Variants in CLASP2 observed in about 807,000 individuals in gnomAD.
CLASP2 encodes the protein CLIP-associating protein 2.
A neutral mutation model predicts 194.4 loss-of-function variants in CLASP2; 47 were observed. The observed-to-expected ratio is 0.24, with a 90% CI of 0.19 to 0.31. CLASP2 has a LOEUF of 0.31. Among genes scored for constraint, CLASP2 ranks in the 10% least tolerant of loss-of-function variants. The pLI, the probability that CLASP2 is intolerant of heterozygous loss-of-function variation, is 1.00. For missense variants in CLASP2, 1,445 were observed against 1,823.6 expected (o/e 0.79, Z 3.78); for synonymous variants, 619 against 633.5 (o/e 0.98, Z 0.34).
chr3:33,572,911 A>ATTTTTTTTTTTTTTTTTTT (rs80341372), intron 25 of CLASP2, among the ~76,000 whole-genome samples, 199 bp downstream of exon 25: 1 of 139,538 alleles, frequency 7.2e-6, no homozygotes, highest in Non-Finnish European at 1.6e-5. Context: ...AGAACAAATA[A>ATTTTTTTTTTTTTTTTTTT]TTTTTTTTTT....
At chr3:33,678,711 G>A (rs561416282) in intron 6 of CLASP2, among the ~76,000 whole-genome samples, 2 of 152,106 alleles carry the variant, frequency 1.3e-5, no homozygotes, top group African/African-American at 2.4e-5. Flanking sequence ...TAAATCTAAC[G>A]AAATAAGTGT....
At chr3:33,677,772 T>A (rs1218228038) in intron 6 of CLASP2, among the ~76,000 whole-genome samples, 2 of 143,712 alleles carry the variant, frequency 1.4e-5, no homozygotes, top group Non-Finnish European at 1.5e-5. Context: ...AAAAAAAAAA[T>A]TATTCCTATT....
chr3:33,705,149 T>A (rs1271498522), intron 1 of CLASP2, among the ~76,000 whole-genome samples: 1 of 152,214 alleles, frequency 6.6e-6, no homozygotes, highest in African/African-American at 2.4e-5. Context: ...ACAGCCCACA[T>A]GTCCACCAAC....
At chr3:33,537,020 T>C (rs924180395) in intron 33 of CLASP2, among the ~76,000 whole-genome samples, 1 of 152,196 alleles carries the variant, frequency 6.6e-6, no homozygotes, top group African/African-American at 2.4e-5. Context: ...GGATTTATTA[T>C]ACTTACAACA....
chr3:33,557,786 A>C (rs760299062), intron 29 of CLASP2, among the ~76,000 whole-genome samples: 4 of 152,198 alleles, frequency 2.6e-5, no homozygotes, highest in Non-Finnish European at 5.9e-5. Context: ...TCTTTCCCCA[A>C]GCAGCTCTAA....
chr3:33,503,049 T>C (rs2047187304), intron 37 of CLASP2: 1 of 152,308 alleles, frequency 6.6e-6, no homozygotes, highest in South Asian at 2.1e-4. Flanking sequence ...GAGTATGGCA[T>C]TCAATGTTTA....
intron 8 of CLASP2, among the ~76,000 whole-genome samples, chr3:33,640,051 A>T (rs1320668498): frequency 6.6e-6 from 1 of 152,144 alleles, no homozygotes; most frequent in Admixed American, 6.5e-5. Context: ...TAAGGTGAAA[A>T]TCTTCTGAGT....
chr3:33,614,569 C>T (rs150589371), intron 12 of CLASP2, among the ~76,000 whole-genome samples: 1 of 152,184 alleles, frequency 6.6e-6, no homozygotes, highest in African/African-American at 2.4e-5. Context: ...GACTGTCTTA[C>T]AAAACTTCCT....
intron 13 of CLASP2, among the ~76,000 whole-genome samples, chr3:33,608,854 G>A (rs564721504): frequency 4.0e-5 from 6 of 148,218 alleles, no homozygotes; most frequent in Non-Finnish European, 7.4e-5. Context: ...CCGGGTTCAA[G>A]TGATTCTCTT....
At chr3:33,605,803 G>T (rs1219743882) in intron 16 of CLASP2, among the ~76,000 whole-genome samples, 3 of 152,062 alleles carry the variant, frequency 2.0e-5, no homozygotes, top group Non-Finnish European at 4.4e-5. Context: ...TAGAGATGGG[G>T]TTTCACCATG....
intron 1 of CLASP2, among the ~76,000 whole-genome samples, chr3:33,716,101 A>T (rs761193071): frequency 3.3e-5 from 5 of 152,154 alleles, no homozygotes; most frequent in Admixed American, 1.3e-4. Context: ...AATGAGGAAA[A>T]CAGGCAATTT....
chr3:33,690,478 C>T (rs1175485136), intron 2 of CLASP2, among the ~76,000 whole-genome samples: 1 of 152,142 alleles, frequency 6.6e-6, no homozygotes, highest in Non-Finnish European at 1.5e-5. Flanking sequence ...AGAGTAAGCA[C>T]TTTCTATAAT....
chr3:33,657,225 C>T (rs2084407618), intron 7 of CLASP2, among the ~76,000 whole-genome samples: 3 of 151,940 alleles, frequency 2.0e-5, no homozygotes, highest in South Asian at 4.1e-4. Context: ...TGTATGTGCA[C>T]TGGATGTGAC....
chr3:33,543,861 T>C (rs918503821), intron 31 of CLASP2, among the ~76,000 whole-genome samples: 7 of 152,206 alleles, frequency 4.6e-5, no homozygotes, highest in Non-Finnish European at 1.0e-4. Flanking sequence ...CCATTACTAA[T>C]GCTCAAATTT....
intron 8 of CLASP2, among the ~76,000 whole-genome samples, chr3:33,638,196 G>A (rs2080538886): frequency 6.6e-6 from 1 of 152,130 alleles, no homozygotes; most frequent in South Asian, 2.1e-4. Context: ...CTTAACATTA[G>A]TTACACCTCA....
At chr3:33,610,597 TA>T (rs36115245) in intron 13 of CLASP2, among the ~76,000 whole-genome samples, 40,354 of 152,108 alleles carry the variant, frequency 0.27, 5,754 homozygotes, top group Admixed American at 0.41. Context: ...ACGGGTTGGT[TA>T]AAACTGTTCT....
intron 8 of CLASP2, chr3:33,644,481 C>T (rs2081938660): frequency 2.9e-6 from 1 of 350,118 alleles, no homozygotes; most frequent in Non-Finnish European, 5.4e-6. Flanking sequence ...ACAAAAAAAC[C>T]CCAAAAAACT....
Position 33,677,081 on chromosome 3 carries a change from T to C in CLASP2, c.644+7278A>G, listed in dbSNP as rs536697114. Among the ~76,000 whole-genome samples the C allele has an allele frequency of 2.0e-3, 298 of 151,762 alleles. 1 individual carries two copies. Among genetic ancestry groups the C allele is most frequent in the Middle Eastern group, 3.4e-3 (1 of 292 alleles). ...AGGTGCTGGAGAGGATGTGGAGAAA[T>C]AGGAACACTTTTACACTGTTGGTGG... On this transcript the variant is annotated intron_variant, in intron 6 of 38. Coordinates refer to ENST00000682230, the MANE Select transcript of CLASP2 (RefSeq NM_001365631.1).
At chr3:33,519,786 C>T (rs1030087937) in intron 34 of CLASP2, among the ~76,000 whole-genome samples, 36 of 151,992 alleles carry the variant, frequency 2.4e-4, no homozygotes, top group African/African-American at 8.2e-4. Flanking sequence ...AAAATGGCTG[C>T]CTATGTTTCA....
Sources: allele counts gnomAD v4.1 joint callset (sites outside exome capture counted in the v4.1 genomes callset), GRCh38; gene constraint gnomAD v4.1.1; transcripts MANE v1.5; gene names NCBI Gene and HGNC (gene_info 2026-07-23, HGNC 2026-07-21).